Variants in SGCD observed in about 807,000 individuals in gnomAD.
The protein encoded by SGCD is delta-sarcoglycan.
SGCD carries 18 observed loss-of-function variants against 36.6 expected under a neutral mutation model. The observed-to-expected ratio is 0.49, with a 90% CI of 0.34 to 0.73. SGCD has a LOEUF of 0.73. SGCD is among the 30% of genes least tolerant of loss of function. The pLI, the probability that SGCD is intolerant of heterozygous loss-of-function variation, is 0.01. For synonymous variants in SGCD, 133 were observed against 130.6 expected (o/e 1.02, Z -0.12); for missense variants, 387 against 346.7 (o/e 1.12, Z -0.92).
At chr5:156,152,120 G>T (rs1437011529) in intron 3 of SGCD, among the ~76,000 whole-genome samples, 1 of 151,016 alleles carries the variant, frequency 6.6e-6, no homozygotes, top group Non-Finnish European at 1.5e-5. Flanking sequence ...TTATAATGTT[G>T]AATAATTGTG....
intron 1 of SGCD, among the ~76,000 whole-genome samples, chr5:156,044,185 G>T (rs1165885428): frequency 6.6e-6 from 1 of 152,080 alleles, no homozygotes; most frequent in Non-Finnish European, 1.5e-5. Context: ...TCATATAGTT[G>T]GTGAGGAAGA....
intron 1 of SGCD, among the ~76,000 whole-genome samples, chr5:155,874,913 A>T (rs895156763): frequency 6.6e-6 from 1 of 152,118 alleles, no homozygotes; most frequent in Non-Finnish European, 1.5e-5. Flanking sequence ...CCTCCTAGGT[A>T]TTTAGCCAAG....
At chr5:156,752,381 C>A (rs928946457) in intron 7 of SGCD, among the ~76,000 whole-genome samples, 2 of 152,144 alleles carry the variant, frequency 1.3e-5, no homozygotes, top group African/African-American at 2.4e-5. Context: ...TTATACAAAA[C>A]CATTGTCATT....
At chr5:156,098,086 C>T (rs918772305) in intron 1 of SGCD, among the ~76,000 whole-genome samples, 1 of 152,166 alleles carries the variant, frequency 6.6e-6, no homozygotes, top group African/African-American at 2.4e-5. Context: ...TACAGGCACC[C>T]CCTACTCCAT....
At chr5:156,078,671 C>CAT (rs941726184) in intron 1 of SGCD, among the ~76,000 whole-genome samples, 25 of 148,044 alleles carry the variant, frequency 1.7e-4, no homozygotes, top group African/African-American at 5.7e-4. Flanking sequence ...TATACACACA[C>CAT]ATATATATGC....
chr5:156,329,230 T>TG (rs1303246544), intron 1 of SGCD, among the ~76,000 whole-genome samples: 3 of 152,152 alleles, frequency 2.0e-5, no homozygotes, highest in African/African-American at 7.2e-5. Context: ...CAACACAAAC[T>TG]GGGCAGTGAG....
intron 3 of SGCD, among the ~76,000 whole-genome samples, chr5:156,444,096 C>CTCTCTCTT (rs1753635371): frequency 8.4e-6 from 1 of 119,480 alleles, no homozygotes; most frequent in East Asian, 2.7e-4. Flanking sequence ...CTCTCTCTCT[C>CTCTCTCTT]TCTCTCTCTC....
At chr5:156,637,457 A>G (rs115949305) in intron 6 of SGCD, among the ~76,000 whole-genome samples, 2,830 of 152,198 alleles carry the variant, frequency 0.019, 89 homozygotes, top group African/African-American at 0.064. Context: ...AGATGAGATG[A>G]CTCAGGCAGC....
intron 7 of SGCD, chr5:156,738,473 G>A (rs1313293169): frequency 6.6e-6 from 1 of 152,168 alleles, no homozygotes; most frequent in Non-Finnish European, 1.5e-5. Context: ...TTTGACCTCT[G>A]GCAAAAGTAG....
chr5:156,442,439 T>TA (rs1201539630), intron 3 of SGCD, among the ~76,000 whole-genome samples: 1 of 152,222 alleles, frequency 6.6e-6, no homozygotes, highest in Non-Finnish European at 1.5e-5. Context: ...ACTGTAGAGT[T>TA]AAAAAATTCT....
chr5:156,355,232 A>G (rs1002781342), intron 3 of SGCD, among the ~76,000 whole-genome samples: 5 of 152,218 alleles, frequency 3.3e-5, no homozygotes, highest in East Asian at 1.9e-4. Context: ...GTGCCTCACC[A>G]TACAACAATT....
At chr5:155,972,237 G>A (rs1431658303) in intron 1 of SGCD, among the ~76,000 whole-genome samples, 3 of 152,148 alleles carry the variant, frequency 2.0e-5, no homozygotes, top group Non-Finnish European at 4.4e-5. Flanking sequence ...ACACTGCATA[G>A]TGAATTTTTT....
chr5:155,973,113 A>G (rs557472553), intron 1 of SGCD, among the ~76,000 whole-genome samples: 1 of 152,164 alleles, frequency 6.6e-6, no homozygotes, highest in South Asian at 2.1e-4. Flanking sequence ...AATGTCCGAA[A>G]AAGTCTGATT....
chr5:156,132,500 A>G (rs1310674939), intron 3 of SGCD, among the ~76,000 whole-genome samples: 1 of 77,620 alleles, frequency 1.3e-5, no homozygotes, highest in Non-Finnish European at 2.2e-5. Flanking sequence ...ACGGAGTCTC[A>G]CTCTTTCGCC....
chr5:155,855,028 C>G, the SGCD span, among the ~76,000 whole-genome samples: 6 of 152,178 alleles, frequency 3.9e-5, no homozygotes, highest in Admixed American at 3.3e-4. Flanking sequence ...GCTTTCAACT[C>G]CTGTGGGATT....
At chr5:156,106,638 G>A (rs969941703) in intron 1 of SGCD, among the ~76,000 whole-genome samples, 1 of 152,112 alleles carries the variant, frequency 6.6e-6, no homozygotes, top group Non-Finnish European at 1.5e-5. Context: ...ACTGACTAAT[G>A]ATCTATACTT....
rs969289338 is a variant in SGCD at position 156,069,690 on chromosome 5, A to G, written c.-281-48188A>G. Reference sequence around the variant, plus strand: ...TCATTGGTAGCTTGATGGGGATGGCATTGAATCTATAAATTCCCTTGGGCA... The same window carrying G: ...TCATTGGTAGCTTGATGGGGATGGCGTTGAATCTATAAATTCCCTTGGGCA... On this transcript the variant is annotated intron_variant, in intron 1 of 9. Coordinates refer to the SGCD transcript ENST00000517913. Among the ~76,000 whole-genome samples, 43 of 151,122 alleles carry G rather than the reference A, an allele frequency of 2.8e-4. 1 individual carries two copies. The highest frequency in any genetic ancestry group is 9.9e-4 in the African/African-American group (40 of 40,422).
chr5:156,391,266 A>T (rs896612219), intron 3 of SGCD, among the ~76,000 whole-genome samples: 12 of 152,238 alleles, frequency 7.9e-5, no homozygotes, highest in Non-Finnish European at 2.9e-5. Flanking sequence ...AAGCTATATC[A>T]TACAGCCTGG....
chr5:155,791,222 T>C, the SGCD span, among the ~76,000 whole-genome samples: 1 of 152,138 alleles, frequency 6.6e-6, no homozygotes, highest in East Asian at 1.9e-4. Flanking sequence ...GCTACAGTTA[T>C]GGGAAAGAAA....
Sources: allele counts gnomAD v4.1 joint callset (sites outside exome capture counted in the v4.1 genomes callset), GRCh38; gene constraint gnomAD v4.1.1; transcripts MANE v1.5; gene names NCBI Gene and HGNC (gene_info 2026-07-23, HGNC 2026-07-21).